The following TCAIM variants were observed in gnomAD, a reference collection of about 807,000 sequenced individuals.
TCAIM encodes T-cell activation inhibitor, mitochondrial.
Under a neutral mutation model 58.6 loss-of-function variants are expected in TCAIM, and 36 were observed. The observed-to-expected ratio is 0.61, with a 90% CI of 0.47 to 0.81. The LOEUF (loss-of-function observed/expected upper bound fraction) is 0.81, where lower values mean the gene tolerates loss of function less well. TCAIM is among the 30% of genes least tolerant of loss of function. The pLI is 0.00. For synonymous variants in TCAIM, 172 were observed against 193.6 expected, an observed-to-expected ratio of 0.89 and a Z score of 0.93; for missense variants, 466 against 579.6, an observed-to-expected ratio of 0.80 and a Z score of 2.01.
chr3:44,378,450 GAACA>G (rs1701601676), intron 5 of TCAIM, among the ~76,000 whole-genome samples: 1 of 151,808 alleles, frequency 6.6e-6, no homozygotes, highest in African/African-American at 2.4e-5. Flanking sequence ...GCAAAGACAT[GAACA>G]GACACTTTTC....
chr3:44,395,533 T>C (rs971885024), intron 6 of TCAIM, among the ~76,000 whole-genome samples: 23 of 152,212 alleles, frequency 1.5e-4, no homozygotes, highest in Admixed American at 1.5e-3. Context: ...CAAGGTGGGT[T>C]TTCTGACAGC....
At chr3:44,365,321 T>C (rs1475953476) in intron 4 of TCAIM, among the ~76,000 whole-genome samples, 1 of 152,044 alleles carries the variant, frequency 6.6e-6, no homozygotes, top group South Asian at 2.1e-4. Flanking sequence ...GTGTCTGTCA[T>C]CAGTTGCAAA....
chr3:44,361,523 GT>G lies in TCAIM; in HGVS notation c.319+11del. 2 of 1,584,644 alleles carry G rather than the reference GT, an allele frequency of 1.3e-6. No individual in the cohort carries two copies. Among genetic ancestry groups the G allele is most frequent in the South Asian group, 1.2e-5 (1 of 84,398 alleles). On this transcript the variant is annotated splice_donor_region_variant and intron_variant, in intron 4 of 10. Transcript: ENST00000342649. The stretch of plus-strand genomic sequence containing the variant: ...AGGAACCTTTTAGTACTTCCGGTAC[GT>G]TTTTTATTTCTGGTGTGTCCCTTGC...
chr3:44,355,636 A>C (rs1404828363), intron 2 of TCAIM, among the ~76,000 whole-genome samples: 1 of 152,234 alleles, frequency 6.6e-6, no homozygotes, highest in Non-Finnish European at 1.5e-5. Context: ...TTCATTGAAC[A>C]TTGTAAAGTG....
At chr3:44,349,443 A>G (rs1559559696) in intron 1 of TCAIM, among the ~76,000 whole-genome samples, 1 of 152,166 alleles carries the variant, frequency 6.6e-6, no homozygotes, top group Non-Finnish European at 1.5e-5. Flanking sequence ...TTGAGAACAC[A>G]GGCTAAGGGA....
chr3:44,395,879 C>A (rs1278368480), intron 6 of TCAIM, among the ~76,000 whole-genome samples: 1 of 152,100 alleles, frequency 6.6e-6, no homozygotes, highest in Non-Finnish European at 1.5e-5. Flanking sequence ...CCCAGCTACT[C>A]GTGAGGCTGA....
chr3:44,357,799 G>A lies in TCAIM; in HGVS notation c.88G>A (p.Ala30Thr). The change falls in exon 3 of 11, where the codon GCT (alanine) becomes ACT (threonine). Residue 30 changes from alanine to threonine, a missense_variant. Transcript: ENST00000342649. The part of the protein sequence containing the change: ...WFPFSRALSG[A>T]EAVNALRPFY... ...TCCCTTTTCAAGAGCTTTATCGGGA[G>A]CTGAAGCAGTCAATGCCTTGAGGCC... is the stretch of plus-strand genomic sequence containing the variant. 1 of 1,614,168 alleles carries A rather than the reference G, an allele frequency of 6.2e-7. No individual in the cohort carries two copies. The highest frequency in any genetic ancestry group is 1.3e-5 in the African/African-American group (1 of 75,058).
At chr3:44,347,088 G>A (rs1363756157) in intron 1 of TCAIM, among the ~76,000 whole-genome samples, 1 of 152,190 alleles carries the variant, frequency 6.6e-6, no homozygotes, top group African/African-American at 2.4e-5. Context: ...TTGTTTTGTA[G>A]AAGGGGTTGG....
intron 4 of TCAIM, among the ~76,000 whole-genome samples, chr3:44,363,918 GTCT>G (rs1701328455): frequency 1.9e-5 from 2 of 106,764 alleles, no homozygotes; most frequent in East Asian, 3.4e-4. Context: ...CAGCAAGTCT[GTCT>G]TTTTTTTTTT....
At chr3:44,345,186 G>A (rs1422881138) in intron 1 of TCAIM, among the ~76,000 whole-genome samples, 1 of 152,172 alleles carries the variant, frequency 6.6e-6, no homozygotes, top group Non-Finnish European at 1.5e-5. Context: ...GAGAGATTAA[G>A]CTGAAGGAAG....
chr3:44,358,712 A>T (rs917785997), intron 3 of TCAIM: 2 of 987,358 alleles, frequency 2.0e-6, no homozygotes, highest in African/African-American at 3.5e-5. Flanking sequence ...TCCCCTATGG[A>T]TACCAAGGGA....
rs1262295072 is a variant in TCAIM at position 44,368,815 on chromosome 3, G to C, written c.572+1107G>C. ...AGGTGGGAGGATTTCCTGAGGTCAGGAGTTCAAAACCAGCCTGAGCAACAT... is the reference window on the plus strand; with the variant it reads ...AGGTGGGAGGATTTCCTGAGGTCAGCAGTTCAAAACCAGCCTGAGCAACAT... On this transcript the variant is annotated intron_variant, in intron 5 of 10. Coordinates refer to ENST00000342649, the MANE Select transcript of TCAIM (RefSeq NM_173826.4). Among the ~76,000 whole-genome samples, 3 of 152,128 alleles carry C rather than the reference G, an allele frequency of 2.0e-5. No homozygotes were observed. In the East Asian group the frequency reaches 5.8e-4, roughly 29 times the overall value.
At chr3:44,384,222 C>T (rs1008809617) in intron 5 of TCAIM, among the ~76,000 whole-genome samples, 33 of 152,160 alleles carry the variant, frequency 2.2e-4, no homozygotes, top group African/African-American at 7.7e-4. Context: ...CAAATTCAGG[C>T]AGTAATGATC....
intron 5 of TCAIM, among the ~76,000 whole-genome samples, chr3:44,372,066 G>C (rs1376337552): frequency 8.2e-6 from 1 of 121,452 alleles, no homozygotes; most frequent in African/African-American, 3.1e-5. Context: ...AGGAAGGAAG[G>C]AAGGAAGGAA....
intron 6 of TCAIM, among the ~76,000 whole-genome samples, chr3:44,393,618 C>A (rs116520847): frequency 6.6e-6 from 1 of 151,836 alleles, no homozygotes; most frequent in East Asian, 1.9e-4. Context: ...AATAATTATG[C>A]CCCCATCTTG....
At chr3:44,381,546 C>T (rs1347176725) in intron 5 of TCAIM, among the ~76,000 whole-genome samples, 1 of 152,118 alleles carries the variant, frequency 6.6e-6, no homozygotes, top group Non-Finnish European at 1.5e-5. Flanking sequence ...TAGTAAAAGA[C>T]TGAAGTTTTT....
intron 1 of TCAIM, chr3:44,341,342 G>C (rs981272938): frequency 1.4e-4 from 21 of 152,150 alleles, no homozygotes; most frequent in African/African-American, 5.1e-4. Flanking sequence ...ATTTTGAAGA[G>C]AGAAATGCTA....
intron 1 of TCAIM, among the ~76,000 whole-genome samples, chr3:44,348,822 T>G (rs1701027383): frequency 6.6e-6 from 1 of 152,124 alleles, no homozygotes. Context: ...TGGGCTGGGT[T>G]TTTATATTTG....
chr3:44,353,290 A>G (rs1018775303), intron 1 of TCAIM, among the ~76,000 whole-genome samples: 2 of 152,138 alleles, frequency 1.3e-5, no homozygotes, highest in East Asian at 1.9e-4. Context: ...ATAATATTCA[A>G]TTGTCTGGAT....
Sources: allele counts gnomAD v4.1 joint callset (sites outside exome capture counted in the v4.1 genomes callset), GRCh38; gene constraint gnomAD v4.1.1; transcripts MANE v1.5; gene names NCBI Gene and HGNC (gene_info 2026-07-23, HGNC 2026-07-21).